SRRM2: variants seen among roughly 807,000 people sequenced by gnomAD.
SRRM2 encodes serine/arginine repetitive matrix protein 2.
A neutral mutation model predicts 213.8 loss-of-function variants in SRRM2; 30 were observed. The ratio of observed to expected loss-of-function variants is 0.14; its 90% CI spans 0.10 to 0.19. SRRM2 has a LOEUF of 0.19. Among genes scored for constraint, SRRM2 ranks in the 10% least tolerant of loss-of-function variants. SRRM2 has a pLI of 1.00. For missense variants in SRRM2, 4,904 were observed against 3,647.0 expected (o/e 1.34, Z -8.88); for synonymous variants, 2,025 against 1,377.7 (o/e 1.47, Z -10.40).
intron 10 of SRRM2, 47 bp from the exon 11 acceptor site, chr16:2,761,514 T>G: frequency 7.0e-7 from 1 of 1,435,390 alleles, no homozygotes; most frequent in Non-Finnish European, 9.2e-7. Flanking sequence ...TGATGTGAAG[T>G]TTTGGCGTTT....
In SRRM2 at chr16:2,771,146, A is replaced by G; in HGVS notation, c.*279A>G. 1 of 622,360 alleles carries G rather than the reference A, an allele frequency of 1.6e-6. No individual in the cohort carries two copies. Among genetic ancestry groups the G allele is most frequent in the Non-Finnish European group, 2.8e-6 (1 of 356,254 alleles). 38.6% of individuals were successfully genotyped at this position (622,360 alleles called of 1,614,324 possible). Reference sequence around the variant, plus strand: ...GGGAGGATACAGTTCAGGATACCCCAGCCTGGAGTCAGGGCCAGGGAGGCA... The same window carrying G: ...GGGAGGATACAGTTCAGGATACCCCGGCCTGGAGTCAGGGCCAGGGAGGCA... On this transcript the variant is annotated 3_prime_UTR_variant, in exon 15 of 15. Coordinates refer to ENST00000301740, the MANE Select transcript of SRRM2 (RefSeq NM_016333.4).
chr16:2,759,706 T>C (rs746459135), intron 9 of SRRM2, 45 bp downstream of exon 9: 7 of 1,546,560 alleles, frequency 4.5e-6, no homozygotes. Flanking sequence ...GAATGATGGG[T>C]TAATTAATTT....
rs2068398779 is a variant in SRRM2 at position 2,762,665 on chromosome 16, T to C, written c.2137T>C (p.Ser713Pro). 7 of 1,613,864 alleles carry C rather than the reference T, an allele frequency of 4.3e-6. No homozygotes were observed. The highest frequency in any genetic ancestry group is 5.1e-6 in the Non-Finnish European group (6 of 1,179,996). ...TAGAAGCTTAGTTAGACGTGGAAGA[T>C]CTCACTCTAGAACACCTCAAAGAAG... is the stretch of plus-strand genomic sequence containing the variant. ...RSRSLVRRGR[S>P]HSRTPQRRGR... The change falls in exon 11 of 15, where the codon TCT becomes CCT. Residue 713 changes from serine to proline, a missense_variant. By Grantham distance (74) the Ser-to-Pro change is moderately conservative. Transcript: ENST00000301740.
chr16:2,757,988 T>C (rs1476018914), intron 4 of SRRM2, 43 bp downstream of exon 4: 4 of 1,580,770 alleles, frequency 2.5e-6, no homozygotes, highest in South Asian at 1.1e-5. Flanking sequence ...TTTTCTTGAT[T>C]GTAAGCTCCA....
rs1567236906 is a variant in SRRM2, at chr16:2,765,445, T to G, written c.4917T>G (p.Gly1639=). The part of the protein sequence containing the change: ...PRALPRRSRS[G]SSSKGRGPSP... ...CCCTTCCCAGACGAAGCAGATCAGG[T>G]TCATCAAGCAAAGGCAGAGGCCCTT... The change falls in exon 11 of 15, where the codon GGT becomes GGG. Residue 1639 remains glycine (G), a synonymous_variant. Coordinates refer to ENST00000301740, the MANE Select transcript of SRRM2 (RefSeq NM_016333.4). 1.2e-6 allele frequency: 2 copies of G among 1,613,942 alleles called. No homozygotes were observed. Among genetic ancestry groups the G allele is most frequent in the East Asian group, 4.5e-5 (2 of 44,866 alleles).
Position 2,761,727 on chromosome 16 carries a change from C to G in SRRM2, c.1199C>G (p.Thr400Ser). 2 of 1,610,112 alleles carry G rather than the reference C, an allele frequency of 1.2e-6. No individual in the cohort carries two copies. Among genetic ancestry groups the G allele is most frequent in the Non-Finnish European group, 1.7e-6 (2 of 1,177,848 alleles). The change falls in exon 11 of 15, where the codon ACT becomes AGT. Residue 400 changes from threonine to serine, a missense_variant. Coordinates refer to ENST00000301740, the MANE Select transcript of SRRM2 (RefSeq NM_016333.4). ...AACCCCCCATCTGAGGCCTCTCCAA[C>G]TCGGGACCGTTCACCACCTAAGTCT... ...PVNPPSEASP[T>S]RDRSPPKSPE...
chr16:2,752,717 G>A lies in SRRM2; in HGVS notation c.-161G>A. On this transcript the variant is annotated 5_prime_UTR_variant, in exon 1 of 15. Transcript: ENST00000301740. ...TTGCGGCCCCTGAGGAAGCGAGGAG[G>A]CGTCGGCGTCGGCTGAGGCGGGCGG... 2.8e-6 allele frequency: 1 copy of A among 358,012 alleles called. No homozygotes were observed. The highest frequency in any genetic ancestry group is 5.6e-6 in the Non-Finnish European group (1 of 180,120). 22.2% of individuals were successfully genotyped at this position (358,012 alleles called of 1,614,324 possible).
chr16:2,763,970 G>A lies in SRRM2; in HGVS notation c.3442G>A (p.Val1148Met). 1 of 1,614,198 alleles carries A rather than the reference G, an allele frequency of 6.2e-7. No individual in the cohort carries two copies. Among genetic ancestry groups the A allele is most frequent in the Non-Finnish European group, 8.5e-7 (1 of 1,180,046 alleles). ...FQSDSSSYPTVDSNSLLGQSR... is the reference protein window; with the variant it reads ...FQSDSSSYPTMDSNSLLGQSR... The stretch of plus-strand genomic sequence containing the variant: ...GTCTGACTCTTCTTCATATCCTACA[G>A]TGGACTCGAATTCTCTCTTGGGGCA... Residue 1148 changes from valine (V) to methionine (M), a missense_variant, in exon 11 of 15, where the codon GTG (valine) becomes ATG (methionine). By Grantham distance (21) the Val-to-Met change is conservative. Transcript: ENST00000301740.
Position 2,764,127 on chromosome 16 carries a change from T to G in SRRM2, c.3599T>G (p.Leu1200Arg). 1 of 1,614,178 alleles carries G rather than the reference T, an allele frequency of 6.2e-7. No individual in the cohort carries two copies. The highest frequency in any genetic ancestry group is 8.5e-7 in the Non-Finnish European group (1 of 1,180,032). ...GTACAGGATAGGCCTGAGTCTTCAC[T>G]GGTATTCAAAGACACACTTAGAACC... ...FPVQDRPESS[L>R]VFKDTLRTPP... Residue 1200 changes from leucine (L) to arginine (R), a missense_variant, in exon 11 of 15, where the codon CTG (leucine) becomes CGG (arginine). Physicochemically the swap from Leu to Arg is moderately radical, Grantham distance 102. Coordinates refer to ENST00000301740, the MANE Select transcript of SRRM2 (RefSeq NM_016333.4).
chr16:2,765,777 C>T lies in SRRM2; in HGVS notation c.5249C>T (p.Ser1750Phe), dbSNP rs765544927. The T allele has an allele frequency of 6.2e-7, 1 of 1,614,138 alleles. No individual in the cohort carries two copies. Among genetic ancestry groups the T allele is most frequent in the Non-Finnish European group, 8.5e-7 (1 of 1,180,042 alleles). The change falls in exon 11 of 15, where the codon TCT becomes TTT. Residue 1750 changes from serine (S) to phenylalanine (F), a missense_variant. Ser to Phe is a radical substitution (Grantham distance 155). Transcript: ENST00000301740. ...RSSRRRRSAS[S>F]PRTKTTSRRG... ...TCACGCCGACGGCGCTCAGCTTCAT[C>T]TCCACGCACTAAGACAACCTCAAGG... is the stretch of plus-strand genomic sequence containing the variant.
In SRRM2 at chr16:2,758,921, T is replaced by C. The variant is rs921156304; in HGVS notation, c.594-64T>C. The C allele has an allele frequency of 2.2e-5, 35 of 1,588,742 alleles. 1 individual carries two copies. The African/African-American group carries it at 4.4e-4, about 20-fold the overall frequency. The stretch of plus-strand genomic sequence containing the variant: ...TTTAGAAACCTTTTTAGGAGAGAGA[T>C]TGTAAGTGGGAGGGCCAGGAAAGAA... On this transcript the variant is annotated intron_variant, in intron 5 of 14. Transcript: ENST00000301740.
Position 2,761,822 on chromosome 16 carries a change from C to G in SRRM2, c.1294C>G (p.Arg432Gly). The change falls in exon 11 of 15, where the codon CGG (arginine) becomes GGG (glycine). Residue 432 changes from arginine (R) to glycine (G), a missense_variant. Transcript: ENST00000301740. ...PPSPQPTKVSRHASSSPESPK... is the reference protein window; with the variant it reads ...PPSPQPTKVSGHASSSPESPK... ...ATCCCCTCAACCTACCAAAGTTTCT[C>G]GGCATGCCAGCTCTTCCCCAGAAAG... is the stretch of plus-strand genomic sequence containing the variant. 1 of 1,613,908 alleles carries G rather than the reference C, an allele frequency of 6.2e-7. No homozygotes were observed. The highest frequency in any genetic ancestry group is 8.5e-7 in the Non-Finnish European group (1 of 1,180,030).
At chr16:2,760,924 T>C (rs2068321908) in intron 10 of SRRM2, 1 of 165,230 alleles carries the variant, frequency 6.1e-6, no homozygotes, top group African/African-American at 2.4e-5. Context: ...TGTTCCAATT[T>C]TAAGCATTAA....
In SRRM2 at chr16:2,763,877, G is replaced by A. The variant is rs1376237262; in HGVS notation, c.3349G>A (p.Asp1117Asn). ...ELASRSPIRQ[D>N]RGEFSASPML... is the part of the protein sequence containing the mutation. ...GGCATCCAGATCTCCAATAAGACAA[G>A]ATAGAGGTGAGTTCTCAGCGAGTCC... Residue 1117 changes from aspartate to asparagine, a missense_variant, in exon 11 of 15, where the codon GAT becomes AAT. Transcript: ENST00000301740. 1.2e-6 allele frequency: 2 copies of A among 1,614,234 alleles called. No homozygotes were observed. Among genetic ancestry groups the A allele is most frequent in the South Asian group, 1.1e-5 (1 of 91,082 alleles).
Position 2,767,654 on chromosome 16 carries a change from T to C in SRRM2, c.7126T>C (p.Ser2376Pro), listed in dbSNP as rs1000530222. 5.0e-6 allele frequency: 8 copies of C among 1,613,982 alleles called. No individual in the cohort carries two copies. The highest frequency in any genetic ancestry group is 1.3e-5 in the African/African-American group (1 of 74,870). Residue 2376 changes from serine to proline, a missense_variant, in exon 11 of 15, where the codon TCT becomes CCT. Coordinates refer to ENST00000301740, the MANE Select transcript of SRRM2 (RefSeq NM_016333.4). ...CAGTGCTAGGATGGCTCCAGCATTG[T>C]CTGGTGCAAACCTCACCAGCCCCAG... ...LTSARMAPAL[S>P]GANLTSPRVP...
In SRRM2 at chr16:2,766,755, G is replaced by A. The variant is rs745478305; in HGVS notation, c.6227G>A (p.Arg2076His). The A allele has an allele frequency of 9.9e-6, 16 of 1,614,166 alleles. No individual in the cohort carries two copies. Among genetic ancestry groups the A allele is most frequent in the South Asian group, 3.3e-5 (3 of 91,082 alleles). Residue 2076 changes from arginine to histidine, a missense_variant, in exon 11 of 15, where the codon CGC becomes CAC. Coordinates refer to ENST00000301740, the MANE Select transcript of SRRM2 (RefSeq NM_016333.4). This position sits in a 1 kb window ranked among gnomAD's most constrained non-coding sequence, Gnocchi z 7.0. The stretch of plus-strand genomic sequence containing the variant: ...TTAACAAGATCTCCTCCAGCCATCC[G>A]CAGGCGTTCTGCATCTGGAAGTAGT... ...RSLTRSPPAI[R>H]RRSASGSSSD...
Position 2,758,475 on chromosome 16 carries a change from T to C in SRRM2, c.521T>C (p.Val174Ala), listed in dbSNP as rs754110948. ...TGCTTTTCATTTTTCCCTAGCCTTG[T>C]TCGGGAGTCTAGCAGTTCTCGCTCA... The part of the protein sequence containing the change: ...APEPPKPYSL[V>A]RESSSSRSPT... Residue 174 changes from valine to alanine, a missense_variant, in exon 5 of 15, where the codon GTT (valine) becomes GCT (alanine). Val to Ala is a moderately conservative substitution (Grantham distance 64). Coordinates refer to ENST00000301740, the MANE Select transcript of SRRM2 (RefSeq NM_016333.4). 3.7e-6 allele frequency: 6 copies of C among 1,614,056 alleles called. No individual in the cohort carries two copies. The highest frequency in any genetic ancestry group is 5.1e-6 in the Non-Finnish European group (6 of 1,179,882).
In SRRM2 at chr16:2,768,232, T is replaced by C; in HGVS notation, c.7704T>C (p.Leu2568=). 6.4e-7 allele frequency: 1 copy of C among 1,572,786 alleles called. No homozygotes were observed. Among genetic ancestry groups the C allele is most frequent in the Middle Eastern group, 1.7e-4 (1 of 5,850 alleles). The change falls in exon 11 of 15, where the codon CTT becomes CTC. Residue 2568 remains leucine (L), a synonymous_variant. Coordinates refer to ENST00000301740, the MANE Select transcript of SRRM2 (RefSeq NM_016333.4). Reference sequence around the variant, plus strand: ...CTAGTGACTCAGAGGGCTCTAGCCTTCCTGTGCAACCTGAGGTGGCACTGA... The same window carrying C: ...CTAGTGACTCAGAGGGCTCTAGCCTCCCTGTGCAACCTGAGGTGGCACTGA... The part of the protein sequence containing the change: ...SSSSDSEGSS[L]PVQPEVALKR...
chr16:2,756,780 G>C (rs547648914), intron 2 of SRRM2, among the ~76,000 whole-genome samples, 174 bp downstream of exon 2: 3 of 152,228 alleles, frequency 2.0e-5, no homozygotes, highest in Non-Finnish European at 2.9e-5. Flanking sequence ...GTGCAGAGTG[G>C]GAAATGAGAA....
Sources: gnomAD v4.1 joint callset for allele counts (sites outside exome capture counted in the v4.1 genomes callset) on GRCh38, gnomAD v4.1.1 for gene constraint, Gnocchi (gnomAD v3.1) non-coding constraint, MANE v1.5 for transcripts, NCBI Gene and HGNC (gene_info 2026-07-23, HGNC 2026-07-21) for gene names.